The following CYB561A3 variants were observed in gnomAD, a reference collection of about 807,000 sequenced individuals.
CYB561A3 encodes the protein cytochrome b561 family member A3, also known as lysosomal membrane ascorbate-dependent ferrireductase CYB561A3.
CYB561A3 carries 16 observed loss-of-function variants against 25.3 expected under a neutral mutation model. The ratio of observed to expected loss-of-function variants is 0.63; its 90% confidence interval spans 0.43 to 0.96. The LOEUF (loss-of-function observed/expected upper bound fraction) is 0.96. Among genes scored for constraint, CYB561A3 ranks in the 40% least tolerant of loss-of-function variants. CYB561A3 has a pLI of 0.00. For synonymous variants in CYB561A3, 131 were observed against 129.9 expected (o/e 1.01, Z -0.06); for missense variants, 219 against 307.5 (o/e 0.71, Z 2.15).
At chr11:61,352,936 C>A (rs1237752183) in intron 5 of CYB561A3, 49 bp downstream of exon 5, 1 of 1,613,882 alleles carries the variant, frequency 6.2e-7, no homozygotes, top group East Asian at 2.2e-5. Context: ...CTTTTGAAGA[C>A]CCTATTCCCT....
chr11:61,348,904 G>C lies in CYB561A3; in HGVS notation c.*1495C>G, dbSNP rs1857268254. The C allele has an allele frequency of 6.6e-6, 1 of 152,566 alleles. No individual in the cohort carries two copies. Among genetic ancestry groups the C allele is most frequent in the African/African-American group, 2.4e-5 (1 of 41,458 alleles). The allele number at this position is 152,566 out of a possible 1,614,324, so 9.5% of individuals were successfully genotyped here. A position where few individuals can be genotyped will look rare whatever the true frequency, so the allele number is the denominator to read the frequency against. On this transcript the variant is annotated 3_prime_UTR_variant, in exon 7 of 7. Coordinates refer to ENST00000294072, the MANE Select transcript of CYB561A3 (RefSeq NM_153611.6). ...GCTGGTCATGGGACCCAGGTGCCTG[G>C]AGGACATCCCAGTGGCTTTGAAGGC...
chr11:61,357,070 C>G, intron 2 of CYB561A3: 1 of 1,414,850 alleles, frequency 7.1e-7, no homozygotes, highest in Non-Finnish European at 9.7e-7. Context: ...TAAAGAATTA[C>G]CACCCCATAC....
intron 3 of CYB561A3, 112 bp downstream of exon 3, chr11:61,356,418 C>CA: frequency 6.2e-4 from 418 of 672,522 alleles, no homozygotes; most frequent in Middle Eastern, 1.3e-3. Flanking sequence ...CCAACCCACC[C>CA]TACCCCCATA....
At chr11:61,350,868 A>T in intron 6 of CYB561A3, 123 bp downstream of exon 6, 1 of 1,399,506 alleles carries the variant, frequency 7.1e-7, no homozygotes, top group Non-Finnish European at 9.5e-7. Flanking sequence ...TCCACCCTCA[A>T]GTTACTTGGT....
chr11:61,359,236 A>G (rs1030484444), intron 1 of CYB561A3: 2 of 151,964 alleles, frequency 1.3e-5, no homozygotes, highest in Non-Finnish European at 2.9e-5. Context: ...AAAAAAAAAA[A>G]AAAAAGAAAA....
At chr11:61,350,495 C>G in intron 6 of CYB561A3, 73 bp from the exon 7 acceptor site, 1 of 1,573,682 alleles carries the variant, frequency 6.4e-7, no homozygotes, top group Non-Finnish European at 8.6e-7. Flanking sequence ...GCTGTTCAGA[C>G]AGACCCCCAG....
At chr11:61,356,767 A>G (rs2135126599) in intron 2 of CYB561A3, 39 bp from the exon 3 acceptor site, 1 of 1,603,408 alleles carries the variant, frequency 6.2e-7, no homozygotes, top group Non-Finnish European at 8.5e-7. Flanking sequence ...ACTGGCTCAG[A>G]TGCACCCAGT....
At chr11:61,350,507 C>G (rs1857348302) in intron 6 of CYB561A3, 85 bp from the exon 7 acceptor site, 1 of 1,547,560 alleles carries the variant, frequency 6.5e-7, no homozygotes, top group African/African-American at 1.4e-5. Context: ...GACCCCCAGC[C>G]TGCAGGGTGG....
chr11:61,356,537 A>G lies in CYB561A3; in HGVS notation c.177T>C (p.Tyr59=), dbSNP rs115940701. 2.0e-4 allele frequency: 326 copies of G among 1,613,668 alleles called. 1 individual carries two copies. Among genetic ancestry groups the G allele is most frequent in the Non-Finnish European group, 2.6e-4 (303 of 1,179,876 alleles). Reference sequence around the variant, plus strand: ...TCCTGACCTCTTACTCACCACCTCCATAGAATACCACCATGCCAGCAACCA... The same window carrying G: ...TCCTGACCTCTTACTCACCACCTCCGTAGAATACCACCATGCCAGCAACCA... ...VLMVAGMVVF[Y]GGASLVYRLP... Residue 59 remains tyrosine, a synonymous_variant, in exon 3 of 7, where the codon TAT becomes TAC. Coordinates refer to ENST00000294072, the MANE Select transcript of CYB561A3 (RefSeq NM_153611.6).
chr11:61,353,998 GGA>G lies in CYB561A3; in HGVS notation c.185-8_185-7del. On this transcript the variant is annotated splice_polypyrimidine_tract_variant and splice_region_variant and intron_variant, in intron 3 of 6. Transcript: ENST00000294072. ...CAGGCGGTACACCAGTGACGCTGCA[GGA>G]GAGAGTAGTGCCAGGGCTCAGCCTC... 6.2e-7 allele frequency: 1 copy of G among 1,613,938 alleles called. No individual in the cohort carries two copies. The highest frequency in any genetic ancestry group is 8.5e-7 in the Non-Finnish European group (1 of 1,180,004).
chr11:61,355,730 C>A (rs1857625804), intron 3 of CYB561A3, among the ~76,000 whole-genome samples: 1 of 150,894 alleles, frequency 6.6e-6, no homozygotes. Context: ...GCAAGCAAGT[C>A]CCTCATTCGG....
At chr11:61,361,669 G>C (rs897533785) in intron 1 of CYB561A3, 64 bp downstream of exon 1, 11 of 152,486 alleles carry the variant, frequency 7.2e-5, no homozygotes, top group African/African-American at 1.9e-4. Context: ...TGCGAAGCGA[G>C]ATAGCAGCGG....
chr11:61,353,102 GC>G lies in CYB561A3; in HGVS notation c.430del (p.Ala144ArgfsTer9). 3 of 1,613,024 alleles carry G rather than the reference GC, an allele frequency of 1.9e-6. No individual in the cohort carries two copies. The highest frequency in any genetic ancestry group is 2.5e-6 in the Non-Finnish European group (3 of 1,179,624). The stretch of plus-strand genomic sequence containing the variant: ...TAGGAGGCTGCGCAGCCACATGGAC[GC>G]CCAGGGCAGGAGGAAGACAGCAAAG... Reference protein sequence around the residue: ...LGFAVFLLPWASMWLRSLLKP... With the variant: ...LGFAVFLLPWXSMWLRSLLKP... On this transcript the variant is annotated frameshift_variant, in exon 5 of 7. Transcript: ENST00000294072. LOFTEE classifies it high-confidence loss of function.
At position 61,350,901 on chromosome 11, in the gene CYB561A3, GTCT is replaced by G. The variant is rs1476949646; in HGVS notation, c.705+87_705+89del. On this transcript the variant is annotated intron_variant, in intron 6 of 6. Coordinates refer to ENST00000294072, the MANE Select transcript of CYB561A3 (RefSeq NM_153611.6). Reference sequence around the variant, plus strand: ...GGTTTCCTGCTGTGCCACAGGGTAAGTCTTCTTGTCAAGGCCCCAGCCTTTCGT... The same window carrying G: ...GGTTTCCTGCTGTGCCACAGGGTAAGTCTTGTCAAGGCCCCAGCCTTTCGT... 8 of 1,503,490 alleles carry G rather than the reference GTCT, an allele frequency of 5.3e-6. No individual in the cohort carries two copies. In the African/African-American group the frequency reaches 7.0e-5, roughly 13 times the overall value. 93.1% of individuals were successfully genotyped at this position (1,503,490 alleles called of 1,614,324 possible).
intron 3 of CYB561A3, 119 bp downstream of exon 3, chr11:61,356,411 A>ACCAC: frequency 1.8e-6 from 1 of 548,008 alleles, no homozygotes; most frequent in South Asian, 2.1e-5. Flanking sequence ...AGACAGCCCA[A>ACCAC]CCCACCCTAC....
intron 5 of CYB561A3, 43 bp downstream of exon 5, chr11:61,352,942 T>A: frequency 6.2e-7 from 1 of 1,613,952 alleles, no homozygotes; most frequent in Middle Eastern, 1.7e-4. Flanking sequence ...AAGACCCTAT[T>A]CCCTCCTCTT....
chr11:61,350,205 G>T lies in CYB561A3; in HGVS notation c.*194C>A. 2 of 691,582 alleles carry T rather than the reference G, an allele frequency of 2.9e-6. No individual in the cohort carries two copies. The highest frequency in any genetic ancestry group is 4.8e-6 in the Non-Finnish European group (2 of 420,770). 42.8% of individuals were successfully genotyped at this position (691,582 alleles called of 1,614,324 possible). A position where few individuals can be genotyped will look rare whatever the true frequency, so the allele number is the denominator to read the frequency against. On this transcript the variant is annotated 3_prime_UTR_variant, in exon 7 of 7. Transcript: ENST00000294072. ...CGGAGAGGGCAGGCCCAGCACCCAG[G>T]CAAAGCCACCAAGGAAAGCAGACAG... is the stretch of plus-strand genomic sequence containing the variant.
chr11:61,361,205 A>C (rs558251233), intron 1 of CYB561A3: 1 of 152,352 alleles, frequency 6.6e-6, no homozygotes, highest in Non-Finnish European at 1.5e-5. Context: ...GCCCAAAACA[A>C]GAAAATGACT....
intron 2 of CYB561A3, chr11:61,357,516 A>G (rs1261922746): frequency 2.5e-6 from 1 of 392,434 alleles, no homozygotes; most frequent in Non-Finnish European, 4.7e-6. Flanking sequence ...AGCCCTGAGC[A>G]GTTGCTCTTA....
Sources: gnomAD v4.1 joint callset for allele counts (sites outside exome capture counted in the v4.1 genomes callset) on GRCh38, gnomAD v4.1.1 for gene constraint, MANE v1.5 for transcripts, NCBI Gene and HGNC (gene_info 2026-07-23, HGNC 2026-07-21) for gene names.